USP39: variants seen among roughly 807,000 people sequenced by gnomAD.
USP39 encodes the protein ubiquitin carboxyl-terminal hydrolase 39.
In USP39, 38 loss-of-function variants were observed where a neutral mutation model predicts 66.4. The ratio of observed to expected loss-of-function variants is 0.57; its 90% CI spans 0.44 to 0.75. The LOEUF (loss-of-function observed/expected upper bound fraction) is 0.75. Among genes scored for constraint, USP39 ranks in the 30% least tolerant of loss-of-function variants. The pLI, the probability that USP39 is intolerant of heterozygous loss-of-function variation, is 0.00. For missense variants in USP39, 608 were observed against 714.4 expected (o/e 0.85, Z 1.70); for synonymous variants, 303 against 274.6 (o/e 1.10, Z -1.02).
chr2:85,644,598 A>AT (rs1304738882), intron 10 of USP39, among the ~76,000 whole-genome samples: 15 of 148,426 alleles, frequency 1.0e-4, no homozygotes, highest in Admixed American at 4.0e-4. Context: ...TGCCTGGCTA[A>AT]TTTTTTTTTT....
chr2:85,611,966 G>C, upstream of USP39: 1 of 1,539,722 alleles, frequency 6.5e-7, no homozygotes, highest in Non-Finnish European at 8.7e-7. Context: ...CCCGGCCGGG[G>C]ATGCGGCCCC....
At chr2:85,616,164 G>C, upstream of USP39, 1 of 1,392,274 alleles carries the variant, frequency 7.2e-7, no homozygotes, top group Non-Finnish European at 9.4e-7. Context: ...CGTGCTTGGC[G>C]CCTGCGCTGG....
upstream of USP39, chr2:85,611,214 TA>T: frequency 1.6e-6 from 2 of 1,248,142 alleles, no homozygotes; most frequent in Non-Finnish European, 2.0e-6. Context: ...AAAAATAAAA[TA>T]AAAACATTTT....
chr2:85,604,730 G>A (rs895753572), intron 1 of USP39, among the ~76,000 whole-genome samples: 5 of 152,208 alleles, frequency 3.3e-5, no homozygotes, highest in Non-Finnish European at 7.3e-5. Flanking sequence ...CATTCCCACT[G>A]CGTAGGCACC....
chr2:85,614,196 G>A (rs768574189), upstream of USP39, among the ~76,000 whole-genome samples: 1 of 152,132 alleles, frequency 6.6e-6, no homozygotes, highest in African/African-American at 2.4e-5. Flanking sequence ...TGAGTCCACA[G>A]TGCAAAGTAA....
chr2:85,633,762 T>A (rs1675547835), intron 6 of USP39, among the ~76,000 whole-genome samples: 1 of 151,570 alleles, frequency 6.6e-6, no homozygotes, highest in Admixed American at 6.6e-5. Context: ...GTGAGACCTC[T>A]GTCTGTAAAA....
chr2:85,628,190 G>T (rs1675021657), intron 5 of USP39, among the ~76,000 whole-genome samples: 1 of 152,016 alleles, frequency 6.6e-6, no homozygotes, highest in African/African-American at 2.4e-5. Flanking sequence ...CTGTCACCCA[G>T]GCTGGAATGC....
intron 11 of USP39, chr2:85,645,303 G>A (rs1228521496): frequency 2.1e-6 from 1 of 480,644 alleles, no homozygotes; most frequent in Non-Finnish European, 3.6e-6. Flanking sequence ...TTGAGACAGG[G>A]TCTCGCTCTG....
At chr2:85,647,801 T>G (rs1676762859) in intron 11 of USP39, 129 bp from the exon 12 acceptor site, 1 of 729,622 alleles carries the variant, frequency 1.4e-6, no homozygotes, top group African/African-American at 1.8e-5. Flanking sequence ...ACCCTCTTCT[T>G]TATGACTGTT....
chr2:85,616,270 C>G lies in USP39; in HGVS notation c.75C>G (p.Ser25=). ...GAGAGTCTGAGTCGCGGGGCAGCTCCGGTCGCGTCAAGCGGGAGCGAGATC... is the reference window on the plus strand; with the variant it reads ...GAGAGTCTGAGTCGCGGGGCAGCTCGGGTCGCGTCAAGCGGGAGCGAGATC... ...GKRESESRGS[S]GRVKRERDRE... The change falls in exon 1 of 13, where the codon TCC becomes TCG. Residue 25 remains serine (S), a synonymous_variant. Coordinates refer to ENST00000323701, the MANE Select transcript of USP39 (RefSeq NM_006590.4). 6.5e-7 allele frequency: 1 copy of G among 1,543,072 alleles called. No homozygotes were observed. Among genetic ancestry groups the G allele is most frequent in the South Asian group, 1.2e-5 (1 of 82,186 alleles).
intron 3 of USP39, among the ~76,000 whole-genome samples, chr2:85,622,367 T>C (rs916932905): frequency 6.8e-6 from 1 of 146,808 alleles, no homozygotes; most frequent in Non-Finnish European, 1.5e-5. Flanking sequence ...AAGTGATCCA[T>C]ACTCCTCAGC....
upstream of USP39, chr2:85,611,966 G>A (rs1319014983): frequency 6.5e-7 from 1 of 1,539,720 alleles, no homozygotes; most frequent in Non-Finnish European, 8.7e-7. Context: ...CCCGGCCGGG[G>A]ATGCGGCCCC....
At chr2:85,640,612 T>C (rs1366073457) in intron 9 of USP39, among the ~76,000 whole-genome samples, 1 of 144,092 alleles carries the variant, frequency 6.9e-6, no homozygotes, top group Non-Finnish European at 1.5e-5. Context: ...TACATATATA[T>C]ATATATATTT....
intron 4 of USP39, 45 bp downstream of exon 4, chr2:85,623,827 C>A: frequency 6.4e-7 from 1 of 1,565,858 alleles, no homozygotes; most frequent in Admixed American, 1.8e-5. Flanking sequence ...CTTTAATGAG[C>A]CATCCCAGGG....
intron 7 of USP39, 38 bp from the exon 8 acceptor site, chr2:85,637,331 T>G (rs750389382): frequency 1.2e-6 from 2 of 1,609,770 alleles, no homozygotes; most frequent in Non-Finnish European, 1.7e-6. Context: ...ATGTTTTCCA[T>G]CCTCACGGAA....
upstream of USP39, chr2:85,611,678 C>G (rs765557236): frequency 4.5e-6 from 7 of 1,564,572 alleles, no homozygotes; most frequent in Admixed American, 1.2e-4. Context: ...CTCGGTGTCG[C>G]GGCAGGTACA....
chr2:85,642,036 C>T (rs1476583715), intron 10 of USP39, among the ~76,000 whole-genome samples: 1 of 151,804 alleles, frequency 6.6e-6, no homozygotes, highest in Non-Finnish European at 1.5e-5. Flanking sequence ...GTGGTGGGAC[C>T]TCAGACCCAT....
chr2:85,648,156 A>G (rs1487204395), intron 12 of USP39, 140 bp downstream of exon 12: 1 of 732,914 alleles, frequency 1.4e-6, no homozygotes, highest in Non-Finnish European at 2.2e-6. Flanking sequence ...CTTAGTAGTG[A>G]GTTGGGGGCA....
intron 1 of USP39, among the ~76,000 whole-genome samples, chr2:85,618,552 AC>A (rs1674186912): frequency 7.0e-6 from 1 of 143,094 alleles, no homozygotes; most frequent in Non-Finnish European, 1.5e-5. Context: ...ACAGAGCGAG[AC>A]TCCGTCTCAA....
Sources: allele counts gnomAD v4.1 joint callset (sites outside exome capture counted in the v4.1 genomes callset), GRCh38; gene constraint gnomAD v4.1.1; transcripts MANE v1.5; gene names NCBI Gene and HGNC (gene_info 2026-07-23, HGNC 2026-07-21).